The following DLGAP4 variants were observed in gnomAD, a reference collection of about 807,000 sequenced individuals.
DLGAP4 encodes disks large-associated protein 4.
A neutral mutation model predicts 86.9 loss-of-function variants in DLGAP4; 18 were observed. That is an observed-to-expected ratio of 0.21 (90% CI 0.14 to 0.31). The LOEUF (loss-of-function observed/expected upper bound fraction) is 0.31, where lower values mean the gene tolerates loss of function less well. DLGAP4 is among the 10% of genes least tolerant of loss of function. The probability of loss-of-function intolerance (pLI) is 1.00; values close to 1 mark genes in which losing one functional copy is unlikely to be tolerated. For synonymous variants in DLGAP4, 548 were observed against 574.3 expected (o/e 0.95, Z 0.65); for missense variants, 1,085 against 1,362.6 (o/e 0.80, Z 3.21).
At chr20:36,378,787 G>C (rs547416123) in intron 2 of DLGAP4, among the ~76,000 whole-genome samples, 1 of 152,048 alleles carries the variant, frequency 6.6e-6, no homozygotes, top group South Asian at 2.1e-4. Context: ...AGACGCTTGA[G>C]TGTCAGCCAC....
chr20:36,495,746 G>A (rs1251327187), intron 7 of DLGAP4, among the ~76,000 whole-genome samples: 2 of 152,224 alleles, frequency 1.3e-5, no homozygotes, highest in Admixed American at 1.3e-4. Flanking sequence ...GACCAGTGGA[G>A]AACAGGGAGG....
In DLGAP4 at chr20:36,370,562, G is replaced by T. The variant is rs143006328; in HGVS notation, c.-73+3287G>T. 8.5e-5 allele frequency among the ~76,000 whole-genome samples: 13 copies of T among 152,178 alleles called. No individual in the cohort carries two copies. In the East Asian group the frequency reaches 2.3e-3, roughly 27 times the overall value. ...GGGGAGAAGGCCAAGGCATACTCAG[G>T]TCTCATTTAAAGTAATAAAAGAGGT... is the stretch of plus-strand genomic sequence containing the variant. On this transcript the variant is annotated intron_variant, in intron 2 of 12. Coordinates refer to ENST00000339266, the MANE Select transcript of DLGAP4 (RefSeq NM_001365621.2).
At chr20:36,447,901 T>TGG (rs71184097) in intron 7 of DLGAP4, among the ~76,000 whole-genome samples, 1,254 of 52,296 alleles carry the variant, frequency 0.024, 39 homozygotes, top group East Asian at 0.029. Flanking sequence ...ATCAGGGGGG[T>TGG]GGGGGGGGGG....
chr20:36,425,317 C>T (rs1600512361), intron 2 of DLGAP4, among the ~76,000 whole-genome samples: 1 of 152,212 alleles, frequency 6.6e-6, no homozygotes, highest in East Asian at 1.9e-4. Flanking sequence ...AGCCAATAAG[C>T]ACATGGAAAG....
At chr20:36,454,741 G>A (rs983346610) in intron 7 of DLGAP4, among the ~76,000 whole-genome samples, 2 of 152,218 alleles carry the variant, frequency 1.3e-5, no homozygotes, top group African/African-American at 4.8e-5. Context: ...CTCAGGTCCT[G>A]TGCAGGCCGG....
chr20:36,440,321 C>T (rs117434207), intron 5 of DLGAP4, among the ~76,000 whole-genome samples: 3,406 of 152,222 alleles, frequency 0.022, 44 homozygotes, highest in Non-Finnish European at 0.034. Flanking sequence ...ATCGTGAAGG[C>T]GGTGTGCTCA....
chr20:36,375,000 A>G (rs1298548917), intron 2 of DLGAP4, among the ~76,000 whole-genome samples: 2 of 152,248 alleles, frequency 1.3e-5, no homozygotes, highest in African/African-American at 4.8e-5. Flanking sequence ...CAGTAGAGGA[A>G]GTGTTTAGGC....
chr20:36,513,756 A>T (rs2036870457), intron 10 of DLGAP4, among the ~76,000 whole-genome samples: 2 of 152,126 alleles, frequency 1.3e-5, no homozygotes, highest in Non-Finnish European at 2.9e-5. Context: ...GACAGATTAG[A>T]TATGGGTAAG....
intron 2 of DLGAP4, among the ~76,000 whole-genome samples, chr20:36,399,669 T>C (rs1318698230): frequency 6.6e-6 from 1 of 152,182 alleles, no homozygotes; most frequent in Non-Finnish European, 1.5e-5. Flanking sequence ...TTTGTAAGAG[T>C]TGAATGAGTT....
intron 1 of DLGAP4, among the ~76,000 whole-genome samples, chr20:36,366,004 G>T (rs760074320): frequency 3.9e-5 from 6 of 152,304 alleles, no homozygotes; most frequent in Non-Finnish European, 7.4e-5. Flanking sequence ...GTGAGGGGAG[G>T]GTGTTCCACT....
In DLGAP4 at chr20:36,496,952, C is replaced by T. The variant is rs184164221; in HGVS notation, c.1896C>T (p.Ala632=). 363 of 1,614,156 alleles carry T rather than the reference C, an allele frequency of 2.2e-4. No individual in the cohort carries two copies. Among genetic ancestry groups the T allele is most frequent in the Non-Finnish European group, 2.3e-4 (275 of 1,180,016 alleles). Residue 632 remains alanine, a synonymous_variant, in exon 8 of 13, where the codon GCC becomes GCT. Transcript: ENST00000339266. The part of the protein sequence containing the change: ...TRGGVAPAPE[A]PEPPPKHAAL... ...GTGGAGTCGCCCCAGCCCCTGAGGC[C>T]CCAGAGCCACCCCCAAAACATGCAG...
intron 2 of DLGAP4, among the ~76,000 whole-genome samples, chr20:36,417,367 G>T (rs558958515): frequency 0.043 from 1,310 of 30,292 alleles, 25 homozygotes; most frequent in African/African-American, 0.11. Flanking sequence ...TTTGAGTTTT[G>T]TTTTTGTTTT....
At position 36,405,077 on chromosome 20, in the gene DLGAP4, G is replaced by A. The variant is rs557416193; in HGVS notation, c.-72-26569G>A. Among the ~76,000 whole-genome samples, 9 of 152,340 alleles carry A rather than the reference G, an allele frequency of 5.9e-5. No individual in the cohort carries two copies. In the East Asian group the frequency reaches 7.7e-4, roughly 13 times the overall value. On this transcript the variant is annotated intron_variant, in intron 2 of 12. Coordinates refer to ENST00000339266, the MANE Select transcript of DLGAP4 (RefSeq NM_001365621.2). ...GGAGGGAGTGTGTCCTGGGAAGAGC[G>A]AATGGCATGGGCTAGAGATGCTGCC...
chr20:36,375,562 G>GAGA (rs1569477552), intron 2 of DLGAP4, among the ~76,000 whole-genome samples: 1 of 152,188 alleles, frequency 6.6e-6, no homozygotes. Flanking sequence ...CAGCCCAGGA[G>GAGA]AGAAGCATCT....
In DLGAP4 at chr20:36,306,497, G is replaced by T. The variant is rs1183703010; in HGVS notation, c.-319G>T. 1 of 151,162 alleles carries T rather than the reference G, an allele frequency of 6.6e-6. No homozygotes were observed. The highest frequency in any genetic ancestry group is 2.4e-5 in the African/African-American group (1 of 41,224). The allele number at this position is 151,162 out of a possible 1,614,324, so 9.4% of individuals were successfully genotyped here. On this transcript the variant is annotated 5_prime_UTR_variant, in exon 1 of 13. Coordinates refer to ENST00000339266, the MANE Select transcript of DLGAP4 (RefSeq NM_001365621.2). This position sits in a 1 kb window ranked among gnomAD's most constrained non-coding sequence, Gnocchi z 4.9. The stretch of plus-strand genomic sequence containing the variant: ...ACGGCAGAGCGGGCCGGAGGCGGCC[G>T]AGGCGCCCGGCGCAGGTGAGGGCGC...
intron 10 of DLGAP4, among the ~76,000 whole-genome samples, chr20:36,520,668 G>T (rs1310762772): frequency 6.6e-6 from 1 of 151,618 alleles, no homozygotes; most frequent in Non-Finnish European, 1.5e-5. Flanking sequence ...AGTGTCCTTC[G>T]ATGCATAAAA....
chr20:36,318,104 T>TCACACACA (rs1341409069), intron 1 of DLGAP4, among the ~76,000 whole-genome samples: 4 of 106,494 alleles, frequency 3.8e-5, no homozygotes, highest in African/African-American at 8.1e-5. Context: ...AAATGTGTCC[T>TCACACACA]CTCACACACA....
chr20:36,465,346 T>G (rs1164270789), intron 7 of DLGAP4: 1 of 152,174 alleles, frequency 6.6e-6, no homozygotes, highest in Non-Finnish European at 1.5e-5. Context: ...CGGAAGCCAG[T>G]GGAGTTCTCC....
chr20:36,368,595 A>G (rs1373429745), intron 2 of DLGAP4, among the ~76,000 whole-genome samples: 1 of 152,178 alleles, frequency 6.6e-6, no homozygotes, highest in East Asian at 1.9e-4. Context: ...TGCGGCTGCA[A>G]ATAGCCGTTG....
Sources: allele counts gnomAD v4.1 joint callset (sites outside exome capture counted in the v4.1 genomes callset), GRCh38; gene constraint gnomAD v4.1.1; non-coding constraint Gnocchi (gnomAD v3.1); transcripts MANE v1.5; gene names NCBI Gene and HGNC (gene_info 2026-07-23, HGNC 2026-07-21).